The following MECOM variants were observed in gnomAD, a reference collection of about 807,000 sequenced individuals.
MECOM encodes MDS1 and EVI1 complex locus.
Under a neutral mutation model 116.3 loss-of-function variants are expected in MECOM, and 13 were observed. That is an observed-to-expected ratio of 0.11 (90% CI 0.07 to 0.18). The LOEUF is 0.18. Ranked by LOEUF, MECOM falls within the 10% of genes least tolerant of loss-of-function variation. The pLI is 1.00. For synonymous variants in MECOM, 528 were observed against 535.2 expected, an observed-to-expected ratio of 0.99 and a Z score of 0.19; for missense variants, 1,299 against 1,509.0, an observed-to-expected ratio of 0.86 and a Z score of 2.31.
At chr3:169,349,978 TCTA>T (rs1726032053) in intron 2 of MECOM, among the ~76,000 whole-genome samples, 1 of 151,930 alleles carries the variant, frequency 6.6e-6, no homozygotes, top group South Asian at 2.1e-4. Context: ...AATTAATATA[TCTA>T]CTTATAATAT....
At chr3:169,618,035 G>C (rs1038082508) in intron 1 of MECOM, among the ~76,000 whole-genome samples, 17 of 152,198 alleles carry the variant, frequency 1.1e-4, no homozygotes, top group African/African-American at 3.9e-4. Flanking sequence ...GCAGACCCTA[G>C]ACTTTTCTTC....
At chr3:169,181,278 A>T (rs1030932393) in intron 2 of MECOM, among the ~76,000 whole-genome samples, 1 of 152,190 alleles carries the variant, frequency 6.6e-6, no homozygotes, top group Non-Finnish European at 1.5e-5. Context: ...TACTAGCCAC[A>T]TGTGGTTATT....
chr3:169,319,487 G>A (rs921814487), intron 2 of MECOM, among the ~76,000 whole-genome samples: 3 of 152,032 alleles, frequency 2.0e-5, no homozygotes, highest in African/African-American at 7.2e-5. Context: ...ACGGGTTGAT[G>A]GGTGCAGCAA....
chr3:169,583,168 A>C (rs543878471), intron 1 of MECOM, among the ~76,000 whole-genome samples: 1 of 152,332 alleles, frequency 6.6e-6, no homozygotes, highest in South Asian at 2.1e-4. Flanking sequence ...AAGTACTAGC[A>C]AAGTACCTGG....
intron 1 of MECOM, among the ~76,000 whole-genome samples, chr3:169,485,884 T>TGTATATATA (rs1212251589): frequency 4.5e-5 from 5 of 110,214 alleles, no homozygotes; most frequent in Admixed American, 9.4e-5. Context: ...TGTATATATA[T>TGTATATATA]GTATATATAG....
chr3:169,396,254 G>C (rs1185209099), intron 1 of MECOM, among the ~76,000 whole-genome samples: 1 of 152,144 alleles, frequency 6.6e-6, no homozygotes, highest in African/African-American at 2.4e-5. Context: ...ATGGGTTCAA[G>C]TCCACCAAAC....
intron 1 of MECOM, among the ~76,000 whole-genome samples, chr3:169,615,746 C>T (rs1235720840): frequency 6.6e-6 from 1 of 152,202 alleles, no homozygotes; most frequent in African/African-American, 2.4e-5. Flanking sequence ...TCAATTGCAA[C>T]TCAAACAATG....
intron 16 of MECOM, chr3:169,086,545 C>T: frequency 1.4e-6 from 1 of 701,492 alleles, no homozygotes; most frequent in Non-Finnish European, 2.6e-6. Flanking sequence ...GTTGCTTAAC[C>T]TTTTAAGCTT....
chr3:169,626,322 G>C (rs1463532154), intron 1 of MECOM, among the ~76,000 whole-genome samples: 1 of 152,244 alleles, frequency 6.6e-6, no homozygotes, highest in Non-Finnish European at 1.5e-5. Flanking sequence ...CTCTATGTCT[G>C]ACTGGCATAA....
chr3:169,254,138 C>T (rs894663292), intron 2 of MECOM, among the ~76,000 whole-genome samples: 12 of 151,980 alleles, frequency 7.9e-5, no homozygotes, highest in Non-Finnish European at 8.8e-5. Context: ...ATTGTTTGGA[C>T]GGGATGTGAA....
chr3:169,204,327 A>G (rs1207655194), intron 2 of MECOM, among the ~76,000 whole-genome samples: 2 of 152,176 alleles, frequency 1.3e-5, no homozygotes, highest in East Asian at 3.8e-4. Context: ...ATTTTGTTCT[A>G]TGCCCCTTTT....
chr3:169,149,655 T>C (rs1356964553), intron 2 of MECOM: 2 of 505,330 alleles, frequency 4.0e-6, no homozygotes, highest in Non-Finnish European at 7.9e-6. Flanking sequence ...TCCAGGCATG[T>C]AGACATCAGC....
At chr3:169,134,363 G>C (rs1735725683) in intron 3 of MECOM, among the ~76,000 whole-genome samples, 1 of 152,198 alleles carries the variant, frequency 6.6e-6, no homozygotes, top group South Asian at 2.1e-4. Context: ...AGACACGGAA[G>C]AGTGTTGATG....
rs1489464588 is a variant in MECOM at position 169,526,609 on chromosome 3, C to T, written c.37+136727G>A. The stretch of plus-strand genomic sequence containing the variant: ...GAGTAAAGATTTTCAAATAAATGCA[C>T]AGCCTGCTTATATTATTCTCATTTC... On this transcript the variant is annotated intron_variant, in intron 1 of 16. Coordinates refer to ENST00000651503, the MANE Select transcript of MECOM (RefSeq NM_004991.4). Among the ~76,000 whole-genome samples, 3 of 152,262 alleles carry T rather than the reference C, an allele frequency of 2.0e-5. No individual in the cohort carries two copies. The East Asian group carries it at 5.8e-4, about 29-fold the overall frequency.
In MECOM at chr3:169,085,043, C is replaced by T; in HGVS notation, c.3586G>A (p.Ala1196Thr). Residue 1196 changes from alanine to threonine, a missense_variant and splice_region_variant, in exon 17 of 17, where the codon GCA becomes ACA. Physicochemically the swap from Ala to Thr is moderately conservative, Grantham distance 58 (BLOSUM62 0). Coordinates refer to ENST00000651503, the MANE Select transcript of MECOM (RefSeq NM_004991.4). ...QPLHRKSKSQ[A>T]YAMMLSLSDK... Reference sequence around the variant, plus strand: ...GACAGTGACAGCATCATAGCATATGCCTGGGGTAAAAAGGAGAGAGACTCA... The same window carrying T: ...GACAGTGACAGCATCATAGCATATGTCTGGGGTAAAAAGGAGAGAGACTCA... 6.2e-7 allele frequency: 1 copy of T among 1,613,836 alleles called. No individual in the cohort carries two copies. The highest frequency in any genetic ancestry group is 8.5e-7 in the Non-Finnish European group (1 of 1,179,906).
At chr3:169,297,759 A>G (rs1336354294) in intron 2 of MECOM, among the ~76,000 whole-genome samples, 8 of 152,244 alleles carry the variant, frequency 5.3e-5, no homozygotes, top group Non-Finnish European at 5.9e-5. Context: ...GAGAGCCACA[A>G]GACTCTTGTG....
chr3:169,549,223 T>C (rs553333226), intron 1 of MECOM, among the ~76,000 whole-genome samples: 1 of 152,182 alleles, frequency 6.6e-6, no homozygotes, highest in South Asian at 2.1e-4. Context: ...CCACCCACCT[T>C]GGCCTCCCAA....
intron 1 of MECOM, among the ~76,000 whole-genome samples, chr3:169,510,649 A>C (rs1264324667): frequency 6.6e-6 from 1 of 151,630 alleles, no homozygotes; most frequent in Admixed American, 6.6e-5. Context: ...GACAAAGGTC[A>C]GGGTCACATC....
chr3:169,112,805 T>C lies in MECOM; in HGVS notation c.2559A>G (p.Gly853=). The change falls in exon 9 of 17, where the codon GGA becomes GGG. Residue 853 remains glycine (G), a synonymous_variant. Coordinates refer to ENST00000651503, the MANE Select transcript of MECOM (RefSeq NM_004991.4). ...TACTTACTTGTGGGTGAAACAAGAA[T>C]CCTGGAGAAGGCCTCAAGTATTTCT... is the stretch of plus-strand genomic sequence containing the variant. ...LKEKYLRPSP[G]FLFHPQFQLP... is the part of the protein sequence containing the mutation. The C allele has an allele frequency of 1.2e-6, 2 of 1,612,990 alleles. No homozygotes were observed. Among genetic ancestry groups the C allele is most frequent in the Non-Finnish European group, 1.7e-6 (2 of 1,179,298 alleles).
Sources: allele counts gnomAD v4.1 joint callset (sites outside exome capture counted in the v4.1 genomes callset), GRCh38; gene constraint gnomAD v4.1.1; transcripts MANE v1.5; gene names NCBI Gene and HGNC (gene_info 2026-07-23, HGNC 2026-07-21).